MLIP: variants seen among roughly 807,000 people sequenced by gnomAD.
MLIP encodes the protein muscular LMNA-interacting protein.
A neutral mutation model predicts 84.8 loss-of-function variants in MLIP; 79 were observed. The observed-to-expected ratio is 0.93, with a 90% CI of 0.78 to 1.12. MLIP has a LOEUF of 1.12. Ranked by LOEUF, MLIP falls within the 50% of genes most tolerant of loss-of-function variation. MLIP has a pLI of 0.00. For synonymous variants in MLIP, 504 were observed against 463.0 expected, an observed-to-expected ratio of 1.09 and a Z score of -1.14; for missense variants, 1,257 against 1,160.6, an observed-to-expected ratio of 1.08 and a Z score of -1.21.
intron 1 of MLIP, among the ~76,000 whole-genome samples, chr6:54,106,081 G>T (rs1444544314): frequency 6.6e-6 from 1 of 152,152 alleles, no homozygotes; most frequent in East Asian, 1.9e-4. Flanking sequence ...TTATTAGGGA[G>T]TGCTCCCAGG....
At chr6:54,077,705 T>C (rs966032531) in intron 1 of MLIP, among the ~76,000 whole-genome samples, 3 of 152,180 alleles carry the variant, frequency 2.0e-5, no homozygotes, top group African/African-American at 4.8e-5. Flanking sequence ...CTGGGACTGA[T>C]AGCTGCATAA....
chr6:54,244,528 T>A (rs902703360), intron 12 of MLIP, among the ~76,000 whole-genome samples: 1 of 152,176 alleles, frequency 6.6e-6, no homozygotes, highest in Non-Finnish European at 1.5e-5. Flanking sequence ...AAAAAATGAA[T>A]GTCAATGAGC....
At chr6:54,196,814 A>G (rs2150698226) in intron 10 of MLIP, among the ~76,000 whole-genome samples, 1 of 152,278 alleles carries the variant, frequency 6.6e-6, no homozygotes, top group Non-Finnish European at 1.5e-5. Context: ...TCTAGTTGAG[A>G]AAGAAAGACA....
chr6:54,117,650 T>C (rs564032889), intron 1 of MLIP, among the ~76,000 whole-genome samples: 1 of 151,628 alleles, frequency 6.6e-6, no homozygotes, highest in Non-Finnish European at 1.5e-5. Flanking sequence ...GGATCTTATA[T>C]ATAAAAAATT....
chr6:54,235,912 C>T (rs2150819638), intron 12 of MLIP, among the ~76,000 whole-genome samples: 1 of 152,230 alleles, frequency 6.6e-6, no homozygotes, highest in South Asian at 2.1e-4. Context: ...ATGGTTACAT[C>T]CTTTTTTCTT....
Position 54,124,661 on chromosome 6 carries a change from A to C in MLIP, c.441A>C (p.Glu147Asp). 1 of 1,614,196 alleles carries C rather than the reference A, an allele frequency of 6.2e-7. No individual in the cohort carries two copies. The highest frequency in any genetic ancestry group is 1.1e-5 in the South Asian group (1 of 91,084). The change falls in exon 3 of 14, where the codon GAA (glutamate) becomes GAC (aspartate). Residue 147 changes from glutamate (E) to aspartate (D), a missense_variant. Physicochemically the swap from Glu to Asp is conservative, Grantham distance 45 (BLOSUM62 2). Transcript: ENST00000502396. ...KAEYVLIVDS[E>D]GEDEAASRKV... ...AATATGTCCTTATTGTGGACTCCGA[A>C]GGGGAAGATGAGGCTGCAAGCAGAA...
chr6:54,248,837 A>C (rs1389888649), intron 12 of MLIP, among the ~76,000 whole-genome samples: 1 of 152,150 alleles, frequency 6.6e-6, no homozygotes, highest in Non-Finnish European at 1.5e-5. Context: ...ACCAATATTC[A>C]GTAGTGAGTG....
intron 12 of MLIP, among the ~76,000 whole-genome samples, chr6:54,247,267 G>A (rs1782144790): frequency 6.6e-6 from 1 of 152,114 alleles, no homozygotes; most frequent in Admixed American, 6.6e-5. Flanking sequence ...ACAGTGGAGA[G>A]TTTTCTTTAA....
intron 1 of MLIP, among the ~76,000 whole-genome samples, chr6:54,116,036 G>A (rs114991611): frequency 0.02 from 2,987 of 152,268 alleles, 44 homozygotes; most frequent in Non-Finnish European, 0.03. Context: ...GGTGCAAGAT[G>A]GGAACAGAAC....
chr6:54,145,863 G>A (rs1410252408), intron 4 of MLIP, among the ~76,000 whole-genome samples: 1 of 146,486 alleles, frequency 6.8e-6, no homozygotes, highest in Non-Finnish European at 1.5e-5. Flanking sequence ...ACCATAAATA[G>A]ATTTACAGGA....
chr6:54,134,062 C>A (rs1771609234), intron 3 of MLIP, among the ~76,000 whole-genome samples: 2 of 151,898 alleles, frequency 1.3e-5, no homozygotes, highest in Admixed American at 1.3e-4. Context: ...ACCTTGAGAA[C>A]AACATAGAGG....
chr6:54,111,187 A>G (rs1263714742), upstream of MLIP, among the ~76,000 whole-genome samples: 3 of 152,230 alleles, frequency 2.0e-5, no homozygotes, highest in Non-Finnish European at 2.9e-5. Context: ...GCATGAAAAG[A>G]AAAGAGGGAA....
chr6:54,055,033 G>A (rs1392286149), intron 1 of MLIP, among the ~76,000 whole-genome samples: 1 of 151,898 alleles, frequency 6.6e-6, no homozygotes, highest in East Asian at 1.9e-4. Flanking sequence ...GACTACAGGC[G>A]CCCGCCACCA....
At chr6:54,050,171 G>A (rs1012857674) in intron 1 of MLIP, among the ~76,000 whole-genome samples, 6 of 151,942 alleles carry the variant, frequency 3.9e-5, no homozygotes, top group Non-Finnish European at 7.4e-5. Flanking sequence ...AAAGGATTAA[G>A]CCTTGTATAT....
At chr6:54,178,607 T>C (rs2150627053) in intron 9 of MLIP, among the ~76,000 whole-genome samples, 1 of 152,290 alleles carries the variant, frequency 6.6e-6, no homozygotes, top group South Asian at 2.1e-4. Context: ...ATCATTCGTT[T>C]AAAGAAATCT....
chr6:54,216,671 C>T (rs1472982886), intron 11 of MLIP: 5 of 983,798 alleles, frequency 5.1e-6, no homozygotes, highest in Non-Finnish European at 3.6e-6. Context: ...TTCACAAGTT[C>T]AAATTTTCTT....
chr6:54,217,223 G>A (rs983415626), intron 11 of MLIP: 1 of 985,386 alleles, frequency 1.0e-6, no homozygotes, highest in East Asian at 1.1e-4. Context: ...GAGTGAAGAG[G>A]AAGTGAATTT....
At chr6:54,154,549 A>G (rs1773819268) in intron 5 of MLIP, among the ~76,000 whole-genome samples, 1 of 152,176 alleles carries the variant, frequency 6.6e-6, no homozygotes, top group Non-Finnish European at 1.5e-5. Context: ...TCCCTAAAGC[A>G]TCAAGGTTAC....
At chr6:54,246,586 C>T (rs975203886) in intron 12 of MLIP, among the ~76,000 whole-genome samples, 1 of 152,018 alleles carries the variant, frequency 6.6e-6, no homozygotes, top group African/African-American at 2.4e-5. Context: ...AGACATTTCT[C>T]TTAATACCTG....
Sources: allele counts gnomAD v4.1 joint callset (sites outside exome capture counted in the v4.1 genomes callset), GRCh38; gene constraint gnomAD v4.1.1; transcripts MANE v1.5; gene names NCBI Gene and HGNC (gene_info 2026-07-23, HGNC 2026-07-21).